The following COL21A1 variants were observed in gnomAD, a reference collection of about 807,000 sequenced individuals.
The protein encoded by COL21A1 is collagen type XXI alpha 1 chain.
In COL21A1, 149 loss-of-function variants were observed where a neutral mutation model predicts 137.9. The observed-to-expected ratio is 1.08, with a 90% CI of 0.95 to 1.24. COL21A1 has a LOEUF of 1.24. Among genes scored for constraint, COL21A1 ranks in the 50% most tolerant of loss-of-function variants. The pLI is 0.00. For synonymous variants in COL21A1, 456 were observed against 391.5 expected, an observed-to-expected ratio of 1.16 and a Z score of -1.95; for missense variants, 1,167 against 1,158.4, an observed-to-expected ratio of 1.01 and a Z score of -0.11.
At chr6:56,265,935 C>T (rs1455911440) in intron 1 of COL21A1, among the ~76,000 whole-genome samples, 1 of 152,040 alleles carries the variant, frequency 6.6e-6, no homozygotes, top group East Asian at 1.9e-4. Flanking sequence ...TAAGTAAATA[C>T]ACATTCGCAA....
intron 1 of COL21A1, among the ~76,000 whole-genome samples, chr6:56,317,491 C>T (rs1254440239): frequency 1.3e-5 from 2 of 152,104 alleles, no homozygotes; most frequent in African/African-American, 4.8e-5. Context: ...TGTTACTCCT[C>T]TCATAACTTT....
chr6:56,074,134 A>C, intron 20 of COL21A1, 98 bp downstream of exon 20: 1 of 775,088 alleles, frequency 1.3e-6, no homozygotes, highest in Non-Finnish European at 2.1e-6. Flanking sequence ...AACCACATTT[A>C]AAATACAATC....
At chr6:56,085,528 A>T (rs1300513433) in intron 17 of COL21A1, among the ~76,000 whole-genome samples, 1 of 152,090 alleles carries the variant, frequency 6.6e-6, no homozygotes, top group Non-Finnish European at 1.5e-5. Context: ...TGGTCTGAAA[A>T]ATATTAAAAT....
chr6:56,154,944 G>T (rs1330013522), intron 10 of COL21A1, among the ~76,000 whole-genome samples: 2 of 152,008 alleles, frequency 1.3e-5, no homozygotes, highest in Non-Finnish European at 2.9e-5. Flanking sequence ...GAGTTCAGGG[G>T]TACATGTGCA....
intron 1 of COL21A1, among the ~76,000 whole-genome samples, chr6:56,341,807 T>G (rs1015361842): frequency 1.4e-4 from 22 of 152,204 alleles, no homozygotes; most frequent in African/African-American, 5.3e-4. Flanking sequence ...TGAGGGAGCC[T>G]GTGCATACAT....
intron 1 of COL21A1, among the ~76,000 whole-genome samples, chr6:56,220,299 A>T (rs1582671555): frequency 1.3e-5 from 2 of 152,154 alleles, no homozygotes; most frequent in East Asian, 3.9e-4. Context: ...GTGCTACAGA[A>T]GCAGAGAAAA....
chr6:56,163,408 T>C (rs569450302), intron 9 of COL21A1, among the ~76,000 whole-genome samples: 2 of 152,286 alleles, frequency 1.3e-5, no homozygotes, highest in East Asian at 3.9e-4. Context: ...GAAGCACAAC[T>C]TACTTAAAAA....
At chr6:56,197,478 T>A (rs985211493) in intron 1 of COL21A1, among the ~76,000 whole-genome samples, 22 of 152,134 alleles carry the variant, frequency 1.4e-4, no homozygotes, top group African/African-American at 5.3e-4. Context: ...AGAATTAGTA[T>A]CTAAAATACA....
At chr6:56,100,158 A>T (rs752867214) in intron 17 of COL21A1, among the ~76,000 whole-genome samples, 1 of 152,214 alleles carries the variant, frequency 6.6e-6, no homozygotes, top group Non-Finnish European at 1.5e-5. Context: ...CCTCATTAAG[A>T]TCATTTCATT....
intron 1 of COL21A1, among the ~76,000 whole-genome samples, chr6:56,259,803 T>G (rs1763209527): frequency 6.6e-6 from 1 of 152,244 alleles, no homozygotes; most frequent in African/African-American, 2.4e-5. Flanking sequence ...ACATACAATA[T>G]TGCTGCTACT....
chr6:56,227,269 G>A (rs1781268681), intron 1 of COL21A1, among the ~76,000 whole-genome samples: 1 of 152,030 alleles, frequency 6.6e-6, no homozygotes, highest in Non-Finnish European at 1.5e-5. Flanking sequence ...GCTAGTTCAT[G>A]CTGTGAGCCA....
chr6:56,291,262 AAAAG>A lies in COL21A1; in HGVS notation c.-39+102705_-39+102708del, dbSNP rs377107315. On this transcript the variant is annotated intron_variant, in intron 1 of 28. Coordinates refer to the COL21A1 transcript ENST00000370819. Reference sequence around the variant, plus strand: ...CTCCAACTCTAGAGTTAGGGGAACAAAAAGAAAGAGATTGGATCCCTGAGAAAGG... The same window carrying A: ...CTCCAACTCTAGAGTTAGGGGAACAAAAAGAGATTGGATCCCTGAGAAAGG... 3.0e-3 allele frequency among the ~76,000 whole-genome samples: 461 copies of A among 152,342 alleles called. 4 individuals carry two copies. Among genetic ancestry groups the A allele is most frequent in the African/African-American group, 0.01 (429 of 41,582 alleles).
At chr6:56,228,986 ATC>A (rs957346838) in intron 1 of COL21A1, among the ~76,000 whole-genome samples, 5 of 152,038 alleles carry the variant, frequency 3.3e-5, no homozygotes, top group African/African-American at 1.2e-4. Flanking sequence ...GTGATATTAT[ATC>A]TCTTTCATAG....
At chr6:56,376,871 T>C (rs977829126) in intron 1 of COL21A1, among the ~76,000 whole-genome samples, 2 of 117,378 alleles carry the variant, frequency 1.7e-5, no homozygotes, top group African/African-American at 6.7e-5. Context: ...TTAACAACTG[T>C]CTATAGAAAA....
chr6:56,231,929 A>C (rs1257953151), intron 1 of COL21A1, among the ~76,000 whole-genome samples: 2 of 151,830 alleles, frequency 1.3e-5, no homozygotes, highest in African/African-American at 2.4e-5. Flanking sequence ...CACTTCAAAA[A>C]TCCAACTGAT....
rs537002381 is a variant in COL21A1, at chr6:56,338,294, T to A, written c.-39+55677A>T. 2.0e-5 allele frequency among the ~76,000 whole-genome samples: 3 copies of A among 152,214 alleles called. No homozygotes were observed. In the South Asian group the frequency reaches 6.2e-4, roughly 32 times the overall value. ...CCCCACTTTATTTCTCTTCCAGCGC[T>A]TTGGAGAAGAGGCACTTTTCTCTAA... On this transcript the variant is annotated intron_variant, in intron 1 of 28. Coordinates refer to the COL21A1 transcript ENST00000370819.
chr6:56,277,340 T>C (rs1763691879), intron 1 of COL21A1, among the ~76,000 whole-genome samples: 1 of 152,260 alleles, frequency 6.6e-6, no homozygotes, highest in South Asian at 2.1e-4. Flanking sequence ...TTCCCCTTCC[T>C]GTGTCCAGGT....
At chr6:56,310,068 G>A (rs1764571868) in intron 1 of COL21A1, among the ~76,000 whole-genome samples, 1 of 152,138 alleles carries the variant, frequency 6.6e-6, no homozygotes, top group East Asian at 1.9e-4. Flanking sequence ...CTGAGTGAAA[G>A]GGTAAAGTCA....
intron 1 of COL21A1, among the ~76,000 whole-genome samples, chr6:56,279,782 T>G (rs2152333744): frequency 6.6e-6 from 1 of 152,350 alleles, no homozygotes; most frequent in African/African-American, 2.4e-5. Context: ...CCATCTCTTC[T>G]TCTGACTACC....
Sources: gnomAD v4.1 joint callset for allele counts (sites outside exome capture counted in the v4.1 genomes callset) on GRCh38, gnomAD v4.1.1 for gene constraint, MANE v1.5 for transcripts, NCBI Gene and HGNC (gene_info 2026-07-23, HGNC 2026-07-21) for gene names.